KCNK9: variants seen among roughly 807,000 people sequenced by gnomAD.
The protein encoded by KCNK9 is potassium channel subfamily K member 9.
In KCNK9, 1 loss-of-function variant was observed where a neutral mutation model predicts 10.8. The observed-to-expected ratio is 0.09, with a 90% CI of 0.03 to 0.44. KCNK9 has a LOEUF of 0.44. KCNK9 is among the 20% of genes least tolerant of loss of function. KCNK9 has a pLI of 0.97. For missense variants in KCNK9, 303 were observed against 515.0 expected, an observed-to-expected ratio of 0.59 and a Z score of 3.98; for synonymous variants, 231 against 222.7, an observed-to-expected ratio of 1.04 and a Z score of -0.33.
chr8:139,687,948 C>T (rs979222778), intron 1 of KCNK9, among the ~76,000 whole-genome samples: 1 of 151,934 alleles, frequency 6.6e-6, no homozygotes. Context: ...ATACATGCAT[C>T]ATTATCTCTT....
intron 1 of KCNK9, among the ~76,000 whole-genome samples, chr8:139,683,432 G>C (rs7003007): frequency 0.024 from 3,606 of 152,274 alleles, 67 homozygotes; most frequent in African/African-American, 0.051. Context: ...TTTTATAGGG[G>C]ACTCTTGGGA....
At chr8:139,685,956 C>T (rs1449841995) in intron 1 of KCNK9, among the ~76,000 whole-genome samples, 1 of 152,152 alleles carries the variant, frequency 6.6e-6, no homozygotes, top group Non-Finnish European at 1.5e-5. Context: ...TGTTTCCTGA[C>T]TTTTTAATGA....
chr8:139,635,857 G>C (rs1038452746), intron 1 of KCNK9, among the ~76,000 whole-genome samples: 2 of 152,258 alleles, frequency 1.3e-5, no homozygotes, highest in Non-Finnish European at 2.9e-5. Context: ...TGGTATAGAA[G>C]TAATAACAGA....
At chr8:139,641,399 C>T (rs1216133306) in intron 1 of KCNK9, among the ~76,000 whole-genome samples, 1 of 152,198 alleles carries the variant, frequency 6.6e-6, no homozygotes, top group Non-Finnish European at 1.5e-5. Context: ...TCAGCCCAGA[C>T]AATCAAGCCA....
intron 1 of KCNK9, 72 bp from the exon 2 acceptor site, chr8:139,619,171 C>T (rs1024477807): frequency 1.3e-6 from 2 of 1,559,788 alleles, no homozygotes; most frequent in African/African-American, 1.4e-5. Flanking sequence ...AAGGGAGGGT[C>T]GACTTGGTGC....
At chr8:139,650,982 C>G (rs2129674127) in intron 1 of KCNK9, among the ~76,000 whole-genome samples, 1 of 152,258 alleles carries the variant, frequency 6.6e-6, no homozygotes, top group East Asian at 1.9e-4. Flanking sequence ...ATGCTGAAAG[C>G]CCCAGAATAT....
chr8:139,660,731 A>G (rs1005728837), intron 1 of KCNK9, among the ~76,000 whole-genome samples: 1 of 152,206 alleles, frequency 6.6e-6, no homozygotes, highest in African/African-American at 2.4e-5. Context: ...GGCTGTCATT[A>G]AAGGACTTAG....
chr8:139,689,581 T>A (rs1209796664), intron 1 of KCNK9, among the ~76,000 whole-genome samples: 1 of 151,824 alleles, frequency 6.6e-6, no homozygotes, highest in East Asian at 1.9e-4. Context: ...GACAGCATCA[T>A]GGCAGTGTCA....
chr8:139,608,740 A>G (rs888869492), downstream of KCNK9, among the ~76,000 whole-genome samples: 15 of 152,168 alleles, frequency 9.9e-5, no homozygotes, highest in Non-Finnish European at 1.9e-4. Context: ...CAGAGACCCC[A>G]TTACTGCTGG....
Position 139,693,895 on chromosome 8 carries a change from C to A in KCNK9, c.283+8815G>T, listed in dbSNP as rs1018190101. On this transcript the variant is annotated intron_variant, in intron 1 of 1. Transcript: ENST00000520439. This position sits in a 1 kb window ranked among gnomAD's most constrained non-coding sequence, Gnocchi z 4.1. ...AGTGGAAGGTGGTGTCCCAGGAAGC[C>A]ATAGTATCCCAACAGAACTGAGTTG... 6.6e-6 allele frequency among the ~76,000 whole-genome samples: 1 copy of A among 152,136 alleles called. No homozygotes were observed. The highest frequency in any genetic ancestry group is 1.5e-5 in the Non-Finnish European group (1 of 68,022).
chr8:139,634,335 C>A (rs1815271725), intron 1 of KCNK9, among the ~76,000 whole-genome samples: 1 of 152,190 alleles, frequency 6.6e-6, no homozygotes, highest in South Asian at 2.1e-4. Flanking sequence ...CCTAACCTAC[C>A]CCTCATGGGA....
rs760537472 is a variant in KCNK9, at chr8:139,618,297, G to T, written c.1086C>A (p.Thr362=). 5.0e-6 allele frequency: 8 copies of T among 1,614,156 alleles called. No individual in the cohort carries two copies. The highest frequency in any genetic ancestry group is 6.8e-6 in the Non-Finnish European group (8 of 1,180,024). ...GGCGTTTCATCAGCCTCTGGTGGTC[G>T]GTAAAGCTGTGTAACCCAGGAGAGA... ...SSISPGLHSF[T]DHQRLMKRRK... Residue 362 remains threonine, a synonymous_variant, in exon 2 of 2, where the codon ACC becomes ACA. Coordinates refer to ENST00000520439, the MANE Select transcript of KCNK9 (RefSeq NM_001282534.2). The surrounding 1 kb of genome is among the most constrained non-coding windows in gnomAD (Gnocchi z 7.9).
chr8:139,602,236 G>A (rs1039705626), intron 2 of KCNK9, among the ~76,000 whole-genome samples: 2 of 152,220 alleles, frequency 1.3e-5, no homozygotes, highest in Non-Finnish European at 2.9e-5. Flanking sequence ...GCAAAGATGG[G>A]AGGGGCTGCT....
downstream of KCNK9, among the ~76,000 whole-genome samples, chr8:139,608,265 T>A (rs958574019): frequency 6.6e-6 from 1 of 152,058 alleles, no homozygotes; most frequent in African/African-American, 2.4e-5. Context: ...TGCCAACCTG[T>A]GAGTCTCACA....
intron 1 of KCNK9, among the ~76,000 whole-genome samples, chr8:139,687,399 T>TACATATATATGAATATATATGTATAC (rs1816818969): frequency 9.8e-6 from 1 of 102,498 alleles, no homozygotes; most frequent in East Asian, 2.5e-4. Flanking sequence ...TATATGTGTA[T>TACATATATATGAATATATATGTATAC]ACATATATAT....
At chr8:139,611,381 C>A (rs1814418327), downstream of KCNK9, 1 of 152,228 alleles carries the variant, frequency 6.6e-6, no homozygotes, top group African/African-American at 2.4e-5. Context: ...GATGCCAGGG[C>A]CTGAGCAGTA....
At chr8:139,700,522 ACACACACACACACACACGCGCG>A (rs1187702093) in intron 1 of KCNK9, among the ~76,000 whole-genome samples, 6 of 115,390 alleles carry the variant, frequency 5.2e-5, no homozygotes, top group African/African-American at 1.7e-4. Context: ...GCGCGCGCGC[ACACACACACACACACACGCGCG>A]CACACACACA....
intron 1 of KCNK9, among the ~76,000 whole-genome samples, chr8:139,667,903 C>G (rs1001009780): frequency 4.6e-5 from 7 of 151,816 alleles, no homozygotes; most frequent in African/African-American, 1.7e-4. Context: ...AAAAAAGATT[C>G]CATTGCATAG....
Position 139,703,120 on chromosome 8 carries a change from A to G in KCNK9, c.-128T>C, listed in dbSNP as rs1487728057. 7 of 650,562 alleles carry G rather than the reference A, an allele frequency of 1.1e-5. No homozygotes were observed. The African/African-American group carries it at 1.4e-4, about 13-fold the overall frequency. 40.3% of individuals were successfully genotyped at this position (650,562 alleles called of 1,614,324 possible). ...GCCGCCGCCGCCGCCTCCAAGTTGT[A>G]AGCGGCGGCGGCAGCAGCAGCAGCA... On this transcript the variant is annotated 5_prime_UTR_variant, in exon 1 of 2. Coordinates refer to ENST00000520439, the MANE Select transcript of KCNK9 (RefSeq NM_001282534.2). This position sits in a 1 kb window ranked among gnomAD's most constrained non-coding sequence, Gnocchi z 6.4.
Sources: allele counts gnomAD v4.1 joint callset (sites outside exome capture counted in the v4.1 genomes callset), GRCh38; gene constraint gnomAD v4.1.1; non-coding constraint Gnocchi (gnomAD v3.1); transcripts MANE v1.5; gene names NCBI Gene and HGNC (gene_info 2026-07-23, HGNC 2026-07-21).